Variants in ANKS1B observed in about 807,000 individuals in gnomAD.
ANKS1B encodes ankyrin repeat and sterile alpha motif domain containing 1B, also known as ankyrin repeat and sterile alpha motif domain-containing protein 1B.
ANKS1B carries 36 observed loss-of-function variants against 148.3 expected under a neutral mutation model. The ratio of observed to expected loss-of-function variants is 0.24; its 90% CI spans 0.19 to 0.32. The LOEUF is 0.32. Ranked by LOEUF, ANKS1B falls within the 10% of genes least tolerant of loss-of-function variation. The pLI, the probability that ANKS1B is intolerant of heterozygous loss-of-function variation, is 1.00. For synonymous variants in ANKS1B, 542 were observed against 560.8 expected (o/e 0.97, Z 0.47); for missense variants, 1,157 against 1,542.6 (o/e 0.75, Z 4.19).
At chr12:99,795,421 T>C (rs2066132352) in intron 4 of ANKS1B, among the ~76,000 whole-genome samples, 1 of 151,956 alleles carries the variant, frequency 6.6e-6, no homozygotes, top group Non-Finnish European at 1.5e-5. Flanking sequence ...TCAGTCAAAC[T>C]ACCTTCTAAA....
At chr12:99,342,551 A>C (rs2090082011) in intron 12 of ANKS1B, among the ~76,000 whole-genome samples, 2 of 152,092 alleles carry the variant, frequency 1.3e-5, no homozygotes, top group Admixed American at 1.3e-4. Context: ...ATGCCTTCTA[A>C]ACTTCCTGCT....
At chr12:99,078,557 G>A (rs1410705400) in intron 16 of ANKS1B, among the ~76,000 whole-genome samples, 1 of 152,122 alleles carries the variant, frequency 6.6e-6, no homozygotes. Flanking sequence ...CAGTAGCAAA[G>A]GTGGCTCTTA....
chr12:99,273,141 G>A (rs893348029), intron 12 of ANKS1B, among the ~76,000 whole-genome samples: 1 of 152,140 alleles, frequency 6.6e-6, no homozygotes, highest in Admixed American at 6.5e-5. Context: ...TATTGGAGTT[G>A]TTCACTATTG....
intron 9 of ANKS1B, among the ~76,000 whole-genome samples, chr12:99,513,772 T>C (rs542177720): frequency 1.6e-4 from 25 of 152,180 alleles, no homozygotes; most frequent in African/African-American, 5.1e-4. Flanking sequence ...ACCATTATAT[T>C]TCACCTGAAC....
chr12:99,773,112 GT>G (rs1463374080), intron 7 of ANKS1B, 24 bp from the exon 8 acceptor site: 17 of 1,580,398 alleles, frequency 1.1e-5, no homozygotes, highest in Non-Finnish European at 1.5e-5. Flanking sequence ...TTTTTCAGAA[GT>G]TTCAAGAAAG....
intron 14 of ANKS1B, among the ~76,000 whole-genome samples, chr12:99,182,359 T>A (rs547994878): frequency 6.6e-6 from 1 of 152,236 alleles, no homozygotes; most frequent in South Asian, 2.1e-4. Flanking sequence ...ACTCTCTATC[T>A]CCATGAGTTA....
At chr12:99,960,417 C>T (rs1403891574) in intron 1 of ANKS1B, among the ~76,000 whole-genome samples, 1 of 152,210 alleles carries the variant, frequency 6.6e-6, no homozygotes, top group Non-Finnish European at 1.5e-5. Flanking sequence ...ACCTTCCTTT[C>T]CTTCTGCTCC....
At chr12:99,430,230 T>A (rs769393113) in intron 11 of ANKS1B, among the ~76,000 whole-genome samples, 2 of 152,092 alleles carry the variant, frequency 1.3e-5, no homozygotes, top group Non-Finnish European at 2.9e-5. Flanking sequence ...GAAGCCATGA[T>A]GGGAGCTATT....
chr12:98,787,485 T>C (rs1471016015), intron 22 of ANKS1B, among the ~76,000 whole-genome samples: 1 of 152,186 alleles, frequency 6.6e-6, no homozygotes, highest in Non-Finnish European at 1.5e-5. Flanking sequence ...TTGAGCCCTA[T>C]GAAGTAGCCA....
intron 19 of ANKS1B, among the ~76,000 whole-genome samples, chr12:98,813,796 C>A (rs2099116958): frequency 6.6e-6 from 1 of 152,158 alleles, no homozygotes; most frequent in Admixed American, 6.5e-5. Context: ...CTCAAGTGAT[C>A]CAACCACCTT....
At chr12:98,743,127 C>T (rs774349764), downstream of ANKS1B, among the ~76,000 whole-genome samples, 2 of 152,128 alleles carry the variant, frequency 1.3e-5, no homozygotes, top group African/African-American at 2.4e-5. Context: ...AGTGATGCTA[C>T]CTTGAATCCA....
chr12:99,732,936 TTTATC>T (rs1194547542), intron 8 of ANKS1B, among the ~76,000 whole-genome samples: 2 of 152,108 alleles, frequency 1.3e-5, no homozygotes, highest in Non-Finnish European at 2.9e-5. Context: ...AAGACCAACA[TTTATC>T]TTAAGCCAGA....
chr12:99,298,780 A>ATT (rs1305664992), intron 12 of ANKS1B, among the ~76,000 whole-genome samples: 1 of 152,210 alleles, frequency 6.6e-6, no homozygotes, highest in African/African-American at 2.4e-5. Context: ...CAAATATTAA[A>ATT]GTATACTATT....
chr12:99,648,972 G>C (rs958098375), intron 9 of ANKS1B, among the ~76,000 whole-genome samples: 1 of 152,080 alleles, frequency 6.6e-6, no homozygotes, highest in Non-Finnish European at 1.5e-5. Context: ...GCTTCTCCAG[G>C]GTTCTCCAAG....
At chr12:99,510,330 G>A (rs1567238732) in intron 9 of ANKS1B, among the ~76,000 whole-genome samples, 1 of 152,078 alleles carries the variant, frequency 6.6e-6, no homozygotes, top group East Asian at 1.9e-4. Context: ...ACTGAGCAAA[G>A]TAAATTGAAA....
intron 17 of ANKS1B, among the ~76,000 whole-genome samples, chr12:98,925,646 C>T (rs1286697794): frequency 6.6e-6 from 1 of 152,230 alleles, no homozygotes; most frequent in Non-Finnish European, 1.5e-5. Flanking sequence ...TGCCTCTCCA[C>T]AGCTTCACAG....
At chr12:99,957,955 T>C (rs942533724) in intron 1 of ANKS1B, among the ~76,000 whole-genome samples, 1 of 152,210 alleles carries the variant, frequency 6.6e-6, no homozygotes, top group Non-Finnish European at 1.5e-5. Context: ...GTTTCAGACT[T>C]AAAGGAACTC....
intron 10 of ANKS1B, among the ~76,000 whole-genome samples, chr12:99,461,655 A>T (rs923231199): frequency 4.6e-5 from 7 of 152,142 alleles, no homozygotes. Flanking sequence ...TTATCAGAGA[A>T]TTAGCATGTA....
intron 17 of ANKS1B, among the ~76,000 whole-genome samples, chr12:98,915,166 C>T (rs987513913): frequency 6.6e-6 from 1 of 152,078 alleles, no homozygotes; most frequent in Non-Finnish European, 1.5e-5. Flanking sequence ...GGCTGGACCC[C>T]TAATCCAATA....
Sources: allele counts gnomAD v4.1 joint callset (sites outside exome capture counted in the v4.1 genomes callset), GRCh38; gene constraint gnomAD v4.1.1; transcripts MANE v1.5; gene names NCBI Gene and HGNC (gene_info 2026-07-23, HGNC 2026-07-21).